The following VPS13B variants were observed in gnomAD, a reference collection of about 807,000 sequenced individuals.
The protein encoded by VPS13B is vacuolar protein sorting 13 homolog B.
Under a neutral mutation model 426.4 loss-of-function variants are expected in VPS13B, and 285 were observed. The observed-to-expected ratio is 0.67, with a 90% CI of 0.61 to 0.74. The LOEUF (loss-of-function observed/expected upper bound fraction) is 0.74. Ranked by LOEUF, VPS13B falls within the 30% of genes least tolerant of loss-of-function variation. The pLI is 0.00. For missense variants in VPS13B, 4,537 were observed against 4,782.6 expected, an observed-to-expected ratio of 0.95 and a Z score of 1.51; for synonymous variants, 1,676 against 1,676.4, an observed-to-expected ratio of 1.00 and a Z score of 0.01.
At chr8:99,055,451 T>C (rs1273982337) in intron 3 of VPS13B, among the ~76,000 whole-genome samples, 2 of 152,224 alleles carry the variant, frequency 1.3e-5, no homozygotes, top group Non-Finnish European at 2.9e-5. Flanking sequence ...TAATAGGGAT[T>C]GTACTGAATC....
At chr8:99,304,261 CA>C (rs1030866906) in intron 19 of VPS13B, among the ~76,000 whole-genome samples, 1 of 151,836 alleles carries the variant, frequency 6.6e-6, no homozygotes, top group African/African-American at 2.4e-5. Flanking sequence ...GGTTGGAACT[CA>C]AAAAACAAAT....
At chr8:99,501,926 CCCTTCCTT>C (rs1176191026) in intron 26 of VPS13B, 68 bp downstream of exon 26, 4 of 1,068,544 alleles carry the variant, frequency 3.7e-6, no homozygotes, top group African/African-American at 3.4e-5. Flanking sequence ...CTCCCTCCCT[CCCTTCCTT>C]CCTTCCTTTC....
chr8:99,618,951 ACTCT>A, intron 33 of VPS13B, among the ~76,000 whole-genome samples: 1 of 151,324 alleles, frequency 6.6e-6, no homozygotes, highest in African/African-American at 2.4e-5. Flanking sequence ...TTTTCTCCTA[ACTCT>A]CTCTGCTCTG....
chr8:99,717,995 G>A (rs76100160), intron 37 of VPS13B, among the ~76,000 whole-genome samples: 6,300 of 151,968 alleles, frequency 0.041, 144 homozygotes, highest in East Asian at 0.055. Flanking sequence ...ATTTGTGTAC[G>A]ACTTTTTGTG....
Position 99,408,194 on chromosome 8 carries a change from T to G in VPS13B, c.3082+16490T>G, listed in dbSNP as rs577385588. Among the ~76,000 whole-genome samples the G allele has an allele frequency of 2.0e-5, 3 of 152,292 alleles. No individual in the cohort carries two copies. In the East Asian group the frequency reaches 5.8e-4, roughly 29 times the overall value. On this transcript the variant is annotated intron_variant, in intron 21 of 61. Coordinates refer to ENST00000357162, the MANE Select transcript of VPS13B (RefSeq NM_152564.5). ...CATTTAAGGGTTTTGAGTAGAGGCA[T>G]GATATAACCTTTTTTGGCTATTTTA...
chr8:99,857,658 C>T (rs996521461), intron 56 of VPS13B, among the ~76,000 whole-genome samples: 2 of 152,192 alleles, frequency 1.3e-5, no homozygotes, highest in African/African-American at 4.8e-5. Context: ...CCTCAGTCTC[C>T]TCCTTTTCCT....
Position 99,704,357 on chromosome 8 carries a change from G to A in VPS13B, c.6454+4425G>A, listed in dbSNP as rs190205399. 3.7e-3 allele frequency among the ~76,000 whole-genome samples: 557 copies of A among 152,218 alleles called. 1 individual carries two copies. The highest frequency in any genetic ancestry group is 6.2e-3 in the Non-Finnish European group (424 of 68,000). On this transcript the variant is annotated intron_variant, in intron 36 of 61. Coordinates refer to ENST00000357162, the MANE Select transcript of VPS13B (RefSeq NM_152564.5). ...AAACCAGGTCATTAATTGATAAAAAGTGGAGCTCCAACTTTTCATTCTATA... is the reference window on the plus strand; with the variant it reads ...AAACCAGGTCATTAATTGATAAAAAATGGAGCTCCAACTTTTCATTCTATA...
chr8:99,530,529 G>A (rs1008030635), intron 30 of VPS13B, among the ~76,000 whole-genome samples: 1 of 151,270 alleles, frequency 6.6e-6, no homozygotes, highest in African/African-American at 2.4e-5. Flanking sequence ...CAGGAGAATC[G>A]CTTGAATCTG....
At chr8:99,835,828 T>A in intron 54 of VPS13B, 90 bp downstream of exon 54, 1 of 1,292,930 alleles carries the variant, frequency 7.7e-7, no homozygotes, top group Non-Finnish European at 1.1e-6. Context: ...CATAATTTTC[T>A]AAATGCTGAA....
intron 7 of VPS13B, among the ~76,000 whole-genome samples, chr8:99,119,693 A>G (rs1465732981): frequency 1.3e-5 from 2 of 152,230 alleles, no homozygotes; most frequent in Non-Finnish European, 2.9e-5. Flanking sequence ...TTCATAACCT[A>G]TAAATGTAGA....
chr8:99,784,073 C>T (rs1412406876), intron 42 of VPS13B, among the ~76,000 whole-genome samples: 1 of 152,136 alleles, frequency 6.6e-6, no homozygotes, highest in Admixed American at 6.6e-5. Flanking sequence ...TACTCTTCAG[C>T]GTGTATGATT....
chr8:99,245,015 A>G (rs1429195844), intron 17 of VPS13B, among the ~76,000 whole-genome samples: 3 of 152,356 alleles, frequency 2.0e-5, no homozygotes, highest in Middle Eastern at 3.4e-3. Context: ...CTGTAAGTGA[A>G]TGTTACTGAT....
intron 43 of VPS13B, among the ~76,000 whole-genome samples, chr8:99,790,289 T>C (rs1433022751): frequency 6.6e-6 from 1 of 152,190 alleles, no homozygotes; most frequent in Non-Finnish European, 1.5e-5. Context: ...TATTAAATAA[T>C]ATCCAAATTA....
chr8:99,132,393 CT>C (rs1809853604), intron 8 of VPS13B, among the ~76,000 whole-genome samples: 1 of 152,164 alleles, frequency 6.6e-6, no homozygotes, highest in East Asian at 1.9e-4. Flanking sequence ...TCAGGTTCCA[CT>C]TCTAAATCTA....
chr8:99,096,230 A>G, intron 3 of VPS13B, 82 bp from the exon 4 acceptor site: 1 of 1,509,396 alleles, frequency 6.6e-7, no homozygotes, highest in African/African-American at 1.4e-5. Flanking sequence ...GCTACCATAA[A>G]CTGCATATAT....
At chr8:99,818,097 C>T (rs1814148951) in intron 45 of VPS13B, among the ~76,000 whole-genome samples, 1 of 152,214 alleles carries the variant, frequency 6.6e-6, no homozygotes, top group South Asian at 2.1e-4. Flanking sequence ...GGGGTGGTAT[C>T]CTCCTCACTT....
intron 23 of VPS13B, among the ~76,000 whole-genome samples, chr8:99,446,825 T>C (rs1817943547): frequency 6.6e-6 from 1 of 152,198 alleles, no homozygotes; most frequent in Admixed American, 6.5e-5. Flanking sequence ...ATATTCCCAG[T>C]ACTCAGAAGA....
At position 99,641,915 on chromosome 8, in the gene VPS13B, T is replaced by C. The variant is rs1044793712; in HGVS notation, c.5325T>C (p.Ser1775=). The change falls in exon 34 of 62, where the codon AGT becomes AGC. Residue 1775 remains serine (S), a synonymous_variant. Coordinates refer to ENST00000357162, the MANE Select transcript of VPS13B (RefSeq NM_152564.5). ...AGGATAGTGGAATTGGCAGTGACAG[T>C]GTTAAAATCAGAATAGTGCAAATAG... ...GAQDSGIGSD[S]VKIRIVQIEQ... 6.2e-7 allele frequency: 1 copy of C among 1,614,086 alleles called. No individual in the cohort carries two copies. The highest frequency in any genetic ancestry group is 1.3e-5 in the African/African-American group (1 of 75,042).
chr8:99,204,235 C>A (rs1814542348), intron 17 of VPS13B, among the ~76,000 whole-genome samples: 1 of 152,132 alleles, frequency 6.6e-6, no homozygotes, highest in Non-Finnish European at 1.5e-5. Flanking sequence ...CTTTGACAAA[C>A]CCGACAAAAA....
Sources: gnomAD v4.1 joint callset for allele counts (sites outside exome capture counted in the v4.1 genomes callset) on GRCh38, gnomAD v4.1.1 for gene constraint, MANE v1.5 for transcripts, NCBI Gene and HGNC (gene_info 2026-07-23, HGNC 2026-07-21) for gene names.